ZNF517: variants seen among roughly 807,000 people sequenced by gnomAD.
ZNF517 encodes zinc finger protein 517.
ZNF517 carries 12 observed loss-of-function variants against 12.1 expected under a neutral mutation model. The observed-to-expected ratio is 0.99, with a 90% CI of 0.63 to 1.61. ZNF517 has a LOEUF of 1.61. Among genes scored for constraint, ZNF517 ranks in the 40% most tolerant of loss-of-function variants. The pLI is 0.00. For missense variants in ZNF517, 781 were observed against 693.2 expected (o/e 1.13, Z -1.42); for synonymous variants, 388 against 310.2 (o/e 1.25, Z -2.63).
chr8:144,810,201 G>C (rs573347587), downstream of ZNF517: 1 of 697,096 alleles, frequency 1.4e-6, no homozygotes, highest in Non-Finnish European at 2.6e-6. Flanking sequence ...AAGGGTAGCC[G>C]GTGGGGGTGC....
intron 1 of ZNF517, chr8:144,800,529 G>A (rs1279779861): frequency 1.0e-6 from 1 of 985,196 alleles, no homozygotes; most frequent in African/African-American, 1.7e-5. Context: ...CAAGTCTTCT[G>A]GCAGCCTCAT....
At chr8:144,807,126 A>G (rs1827261323) in intron 4 of ZNF517, 65 bp from the exon 5 acceptor site, 3 of 1,500,230 alleles carry the variant, frequency 2.0e-6, no homozygotes, top group Admixed American at 4.8e-5. Context: ...TATGTCTTCA[A>G]ACAAGAAGTT....
At chr8:144,810,769 T>C (rs1827531279), downstream of ZNF517, 1 of 154,688 alleles carries the variant, frequency 6.5e-6, no homozygotes, top group Non-Finnish European at 1.5e-5. Flanking sequence ...ACAGCGGGAA[T>C]AACACTTCCT....
chr8:144,808,083 A>G lies in ZNF517; in HGVS notation c.1167A>G (p.Leu389=). 1 of 1,606,394 alleles carries G rather than the reference A, an allele frequency of 6.2e-7. No individual in the cohort carries two copies. Among genetic ancestry groups the G allele is most frequent in the Non-Finnish European group, 8.5e-7 (1 of 1,177,388 alleles). The stretch of plus-strand genomic sequence containing the variant: ...CCCTGCTGCTGCTGCACCTGCGCCT[A>G]CACACGGGCGAGAAGCCGTTCGAGT... ...HNSLLLLHLR[L]HTGEKPFECA... Residue 389 remains leucine, a synonymous_variant, in exon 5 of 5, where the codon CTA becomes CTG. Transcript: ENST00000359971.
At chr8:144,800,556 G>A in intron 1 of ZNF517, 1 of 985,324 alleles carries the variant, frequency 1.0e-6, no homozygotes, top group Non-Finnish European at 1.2e-6. Context: ...AGATACTCTG[G>A]TTGCCTTGTT....
intron 1 of ZNF517, among the ~76,000 whole-genome samples, chr8:144,799,365 C>G (rs943530441): frequency 1.3e-5 from 2 of 152,208 alleles, no homozygotes; most frequent in Admixed American, 1.3e-4. Flanking sequence ...TTGCCCCCTC[C>G]CCGGGTTGGG....
At position 144,808,185 on chromosome 8, in the gene ZNF517, C is replaced by T. The variant is rs1563811468; in HGVS notation, c.1269C>T (p.Pro423=). ...AGAAGATCCACACCAAGGAGAAGCC[C>T]TTCGCGTGCACCGAGTGCGGCAAGG... is the stretch of plus-strand genomic sequence containing the variant. ...LHQKIHTKEK[P]FACTECGKAF... is the part of the protein sequence containing the mutation. Residue 423 remains proline, a synonymous_variant, in exon 5 of 5, where the codon CCC becomes CCT. Coordinates refer to ENST00000359971, the MANE Select transcript of ZNF517 (RefSeq NM_213605.3). 4.3e-6 allele frequency: 7 copies of T among 1,610,050 alleles called. No homozygotes were observed. In the South Asian group the frequency reaches 7.7e-5, roughly 18 times the overall value.
intron 4 of ZNF517, among the ~76,000 whole-genome samples, chr8:144,805,346 T>A (rs1266931384): frequency 6.6e-6 from 1 of 152,266 alleles, no homozygotes; most frequent in Non-Finnish European, 1.5e-5. Flanking sequence ...TATTATTATT[T>A]TTGAGATGGA....
intron 1 of ZNF517, chr8:144,800,734 TCC>T (rs1826918620): frequency 1.0e-6 from 1 of 976,146 alleles, no homozygotes; most frequent in South Asian, 4.7e-5. Context: ...ATCTGTCTGA[TCC>T]ACCCCCATCG....
chr8:144,800,212 C>G (rs1186768138), intron 1 of ZNF517, among the ~76,000 whole-genome samples: 3 of 152,022 alleles, frequency 2.0e-5, no homozygotes, highest in African/African-American at 7.2e-5. Context: ...AAATTAGCAC[C>G]CTCCTCCCCT....
chr8:144,806,561 T>C (rs1424451956), intron 4 of ZNF517, among the ~76,000 whole-genome samples: 2 of 152,176 alleles, frequency 1.3e-5, no homozygotes, highest in East Asian at 3.9e-4. Context: ...CTTGGCTCAC[T>C]GCAACCTCCG....
At chr8:144,813,099 G>A (rs1217960357), downstream of ZNF517, among the ~76,000 whole-genome samples, 22 of 151,922 alleles carry the variant, frequency 1.4e-4, no homozygotes, top group Admixed American at 1.4e-3. Flanking sequence ...GGTGGATCAC[G>A]AGGTCAGGAG....
chr8:144,808,584 G>C lies in ZNF517; in HGVS notation c.*189G>C. The C allele has an allele frequency of 1.3e-6, 1 of 792,344 alleles. No individual in the cohort carries two copies. The highest frequency in any genetic ancestry group is 1.8e-6 in the Non-Finnish European group (1 of 570,304). The allele number at this position is 792,344 out of a possible 1,614,324, so 49.1% of individuals were successfully genotyped here. On this transcript the variant is annotated 3_prime_UTR_variant, in exon 5 of 5. Transcript: ENST00000359971. Reference sequence around the variant, plus strand: ...AGGGAAAGGGCACCAGGCAGCCCGTGGTGTGGCCTCAGGAACCACTATCAG... The same window carrying C: ...AGGGAAAGGGCACCAGGCAGCCCGTCGTGTGGCCTCAGGAACCACTATCAG...
intron 1 of ZNF517, among the ~76,000 whole-genome samples, chr8:144,799,897 G>T (rs1279300281): frequency 1.3e-5 from 2 of 152,196 alleles, no homozygotes; most frequent in African/African-American, 4.8e-5. Flanking sequence ...CCGAGATCGC[G>T]CCACTGGTCT....
chr8:144,805,977 A>G (rs3109779), intron 4 of ZNF517, among the ~76,000 whole-genome samples: 11,908 of 152,218 alleles, frequency 0.078, 1,049 homozygotes, highest in African/African-American at 0.21. Flanking sequence ...GATGACTAAT[A>G]CTATTCATAT....
In ZNF517 at chr8:144,803,655, C is replaced by T. The variant is rs1448571502; in HGVS notation, c.48C>T (p.Phe16=). 5 of 1,613,936 alleles carry T rather than the reference C, an allele frequency of 3.1e-6. No individual in the cohort carries two copies. Among genetic ancestry groups the T allele is most frequent in the East Asian group, 2.2e-5 (1 of 44,880 alleles). ...PMPGPQEAVV[F]EDVAVYFTRI... is the part of the protein sequence containing the mutation. ...TGTGGTTGCAGGAGGCGGTTGTGTT[C>T]GAGGATGTGGCTGTGTACTTCACAA... is the stretch of plus-strand genomic sequence containing the variant. The change falls in exon 3 of 5, where the codon TTC becomes TTT. Residue 16 remains phenylalanine, a synonymous_variant. Transcript: ENST00000359971.
Position 144,807,598 on chromosome 8 carries a change from A to G in ZNF517, c.682A>G (p.Thr228Ala). The change falls in exon 5 of 5, where the codon ACT becomes GCT. Residue 228 changes from threonine (T) to alanine (A), a missense_variant. By Grantham distance (58) the Thr-to-Ala change is moderately conservative. Coordinates refer to ENST00000359971, the MANE Select transcript of ZNF517 (RefSeq NM_213605.3). ...CCTGCTGCGGCACCAGCTGATCCACACTGAGGAGAAGCCGTTCCAGTGCGG... is the reference window on the plus strand; with the variant it reads ...CCTGCTGCGGCACCAGCTGATCCACGCTGAGGAGAAGCCGTTCCAGTGCGG... ...SILLRHQLIH[T>A]EEKPFQCGEC... 6.2e-7 allele frequency: 1 copy of G among 1,607,092 alleles called. No homozygotes were observed. Among genetic ancestry groups the G allele is most frequent in the Non-Finnish European group, 8.5e-7 (1 of 1,177,326 alleles).
chr8:144,806,053 T>C (rs1041652538), intron 4 of ZNF517, among the ~76,000 whole-genome samples: 4 of 152,236 alleles, frequency 2.6e-5, no homozygotes, highest in African/African-American at 9.6e-5. Flanking sequence ...TTTATTACAC[T>C]GGAACAGCTT....
intron 4 of ZNF517, among the ~76,000 whole-genome samples, chr8:144,805,191 C>A (rs1007001580): frequency 6.6e-6 from 1 of 152,258 alleles, no homozygotes; most frequent in Non-Finnish European, 1.5e-5. Context: ...TACCGCTAGA[C>A]CAAGGAGCCC....
Sources: allele counts gnomAD v4.1 joint callset (sites outside exome capture counted in the v4.1 genomes callset), GRCh38; gene constraint gnomAD v4.1.1; transcripts MANE v1.5; gene names NCBI Gene and HGNC (gene_info 2026-07-23, HGNC 2026-07-21).